SATB1: variants seen among roughly 807,000 people sequenced by gnomAD.
The protein encoded by SATB1 is SATB homeobox 1.
Under a neutral mutation model 86.9 loss-of-function variants are expected in SATB1, and 11 were observed. The observed-to-expected ratio is 0.13, with a 90% CI of 0.08 to 0.21. The LOEUF (loss-of-function observed/expected upper bound fraction) is 0.21, where lower values mean the gene tolerates loss of function less well. SATB1 is among the 10% of genes least tolerant of loss of function. The pLI, the probability that SATB1 is intolerant of heterozygous loss-of-function variation, is 1.00. For missense variants in SATB1, 551 were observed against 937.6 expected (o/e 0.59, Z 5.39); for synonymous variants, 357 against 357.2 (o/e 1.00, Z 0.01).
intron 2 of SATB1, among the ~76,000 whole-genome samples, chr3:18,436,329 A>G (rs566143234): frequency 1.6e-4 from 25 of 152,312 alleles, no homozygotes; most frequent in Middle Eastern, 3.4e-3. Flanking sequence ...TGGTTCTGGA[A>G]TATCAGAAGG....
intron 2 of SATB1, chr3:18,434,921 C>G (rs1699010651): frequency 1.3e-5 from 2 of 151,924 alleles, no homozygotes; most frequent in Non-Finnish European, 2.9e-5. Context: ...CAGATTCCAT[C>G]TGTTACATCT....
intron 10 of SATB1, chr3:18,351,195 GC>G (rs1349973323): frequency 7.5e-6 from 6 of 798,954 alleles, no homozygotes; most frequent in Non-Finnish European, 1.3e-5. Context: ...AGTGAGCTCT[GC>G]CCAAGACCAT....
chr3:18,421,525 T>C (rs1487247617), intron 1 of SATB1: 1 of 152,266 alleles, frequency 6.6e-6, no homozygotes, highest in Non-Finnish European at 1.5e-5. Flanking sequence ...AACAAACATC[T>C]AACTGCTTTT....
In SATB1 at chr3:18,352,393, A is replaced by G; in HGVS notation, c.1576-198T>C. 1 of 553,674 alleles carries G rather than the reference A, an allele frequency of 1.8e-6. No homozygotes were observed. Among genetic ancestry groups the G allele is most frequent in the South Asian group, 2.3e-5 (1 of 42,868 alleles). 34.3% of individuals were successfully genotyped at this position (553,674 alleles called of 1,614,324 possible). A position where few individuals can be genotyped will look rare whatever the true frequency, so the allele number is the denominator to read the frequency against. On this transcript the variant is annotated intron_variant, in intron 9 of 10. Coordinates refer to ENST00000338745, the MANE Select transcript of SATB1 (RefSeq NM_002971.6). The surrounding 1 kb of genome is among the most constrained non-coding windows in gnomAD (Gnocchi z 4.1). ...AAGGAGGCAGACTCTGTTTCTAATC[A>G]AAGTTCAGATTTGCATCTCAAAGGA...
chr3:18,396,317 T>C (rs981736515), intron 6 of SATB1, among the ~76,000 whole-genome samples: 2 of 152,122 alleles, frequency 1.3e-5, no homozygotes, highest in South Asian at 2.1e-4. Flanking sequence ...TGTAAAGAAA[T>C]AAATAGAAAT....
chr3:18,416,522 A>G (rs1419314931), intron 3 of SATB1, among the ~76,000 whole-genome samples: 1 of 152,064 alleles, frequency 6.6e-6, no homozygotes, highest in African/African-American at 2.4e-5. Flanking sequence ...GCAGCCCATA[A>G]AACCATCAGA....
intron 2 of SATB1, chr3:18,435,384 A>C (rs966209578): frequency 1.3e-5 from 2 of 152,208 alleles, no homozygotes; most frequent in African/African-American, 2.4e-5. Flanking sequence ...ACTGGCAAAG[A>C]AGCAGCATCC....
intron 5 of SATB1, among the ~76,000 whole-genome samples, chr3:18,401,643 C>T (rs758516661): frequency 3.3e-5 from 5 of 152,102 alleles, no homozygotes; most frequent in South Asian, 2.1e-4. Context: ...AAATGCTACA[C>T]GGTACACCAA....
At chr3:18,403,220 C>T (rs1347883090) in intron 5 of SATB1, among the ~76,000 whole-genome samples, 1 of 152,076 alleles carries the variant, frequency 6.6e-6, no homozygotes, top group Non-Finnish European at 1.5e-5. Context: ...CAATCAGGAG[C>T]GTGCAAAATG....
rs11490681 is a variant in SATB1 at position 18,391,379 on chromosome 3, A to T, written c.1206+3083T>A. ...TATTTGTATGTACATATTTTACATTAATTTTTTTTTTATTATACTTTAAGT... is the reference window on the plus strand; with the variant it reads ...TATTTGTATGTACATATTTTACATTTATTTTTTTTTTATTATACTTTAAGT... On this transcript the variant is annotated intron_variant, in intron 7 of 10. Coordinates refer to ENST00000338745, the MANE Select transcript of SATB1 (RefSeq NM_002971.6). Among the ~76,000 whole-genome samples the T allele has an allele frequency of 5.2e-3, 658 of 127,680 alleles. 6 individuals carry two copies. Among genetic ancestry groups the T allele is most frequent in the African/African-American group, 0.015 (488 of 33,362 alleles). The allele number at this position is 127,680 out of a possible 152,430, so 83.8% of individuals were successfully genotyped here.
intron 5 of SATB1, among the ~76,000 whole-genome samples, chr3:18,408,488 T>C (rs1697662608): frequency 6.6e-6 from 1 of 152,024 alleles, no homozygotes; most frequent in Non-Finnish European, 1.5e-5. Flanking sequence ...TAAGTCTAGA[T>C]TTAAAAGTCC....
chr3:18,419,540 A>C (rs1698285272), intron 2 of SATB1, among the ~76,000 whole-genome samples: 1 of 152,208 alleles, frequency 6.6e-6, no homozygotes, highest in East Asian at 1.9e-4. Context: ...GAGACAGCTG[A>C]AATCTCCTAT....
intron 7 of SATB1, among the ~76,000 whole-genome samples, chr3:18,387,646 T>C (rs539356101): frequency 1.3e-5 from 2 of 152,330 alleles, no homozygotes; most frequent in East Asian, 3.9e-4. Flanking sequence ...TTTAATCTTG[T>C]ACATGAAATA....
chr3:18,373,172 G>C (rs1695560058), intron 9 of SATB1, among the ~76,000 whole-genome samples: 1 of 152,148 alleles, frequency 6.6e-6, no homozygotes, highest in Admixed American at 6.6e-5. Flanking sequence ...AATGAAGAAG[G>C]CTTCGTTTGC....
chr3:18,417,688 C>A (rs919346169), intron 2 of SATB1: 25 of 698,682 alleles, frequency 3.6e-5, no homozygotes, highest in Non-Finnish European at 5.5e-5. Context: ...TCATAATACA[C>A]AATTTCAATA....
chr3:18,415,225 T>A lies in SATB1; in HGVS notation c.525A>T (p.Lys175Asn). The A allele has an allele frequency of 6.2e-7, 1 of 1,612,840 alleles. No homozygotes were observed. The highest frequency in any genetic ancestry group is 2.2e-5 in the East Asian group (1 of 44,852). Residue 175 changes from lysine to asparagine, a missense_variant, in exon 5 of 11, where the codon AAA (lysine) becomes AAT (asparagine). Lys to Asn is a moderately conservative substitution (Grantham distance 94, BLOSUM62 0). Transcript: ENST00000338745. Reference protein sequence around the residue: ...TLKIQLHSCPKLEDLPPEQWS... With the variant: ...TLKIQLHSCPNLEDLPPEQWS... ...ATTGTTCGGGAGGCAAGTCTTCTAG[T>A]TTGGGGCAACTATTTGAGACATAGA...
chr3:18,403,118 A>G (rs1441155427), intron 5 of SATB1, among the ~76,000 whole-genome samples: 7 of 152,156 alleles, frequency 4.6e-5, no homozygotes, highest in Admixed American at 2.6e-4. Context: ...CAAGACTGAA[A>G]TGGTGACTGC....
chr3:18,355,505 AAATG>A, intron 9 of SATB1, among the ~76,000 whole-genome samples: 1 of 152,168 alleles, frequency 6.6e-6, no homozygotes, highest in Non-Finnish European at 1.5e-5. Context: ...CTTGGGAAGA[AAATG>A]AATATGTCAC....
chr3:18,394,338 T>C lies in SATB1; in HGVS notation c.1206+124A>G, dbSNP rs901323972. 3.8e-6 allele frequency: 3 copies of C among 798,052 alleles called. No homozygotes were observed. The highest frequency in any genetic ancestry group is 3.5e-5 in the South Asian group (2 of 56,438). 49.4% of individuals were successfully genotyped at this position (798,052 alleles called of 1,614,324 possible). ...GAGGCTCCACCAGGAATAGGTAATA[T>C]GATCACATGAAGAGAGAGAGAAAAT... On this transcript the variant is annotated intron_variant, in intron 7 of 10. Coordinates refer to ENST00000338745, the MANE Select transcript of SATB1 (RefSeq NM_002971.6). The surrounding 1 kb of genome is among the most constrained non-coding windows in gnomAD (Gnocchi z 5.9).
Sources: gnomAD v4.1 joint callset for allele counts (sites outside exome capture counted in the v4.1 genomes callset) on GRCh38, gnomAD v4.1.1 for gene constraint, Gnocchi (gnomAD v3.1) non-coding constraint, MANE v1.5 for transcripts, NCBI Gene and HGNC (gene_info 2026-07-23, HGNC 2026-07-21) for gene names.